MBP: variants seen among roughly 807,000 people sequenced by gnomAD.
MBP encodes Golli-MBP.
Under a neutral mutation model 35.8 loss-of-function variants are expected in MBP, and 16 were observed. The ratio of observed to expected loss-of-function variants is 0.45; its 90% CI spans 0.30 to 0.68. The LOEUF (loss-of-function observed/expected upper bound fraction) is 0.68, where lower values mean the gene tolerates loss of function less well. Among genes scored for constraint, MBP ranks in the 30% least tolerant of loss-of-function variants. The pLI is 0.08. For missense variants in MBP, 380 were observed against 404.7 expected, an observed-to-expected ratio of 0.94 and a Z score of 0.52; for synonymous variants, 143 against 159.6, an observed-to-expected ratio of 0.90 and a Z score of 0.78.
rs2290825 is a variant in MBP, at chr18:77,098,303, C to T, written c.51+6908G>A. On this transcript the variant is annotated intron_variant, in intron 2 of 8. Coordinates refer to ENST00000355994, the MANE Select transcript of MBP (RefSeq NM_001025101.2). ...CACTCACTTTACATAATGTTATCATCGTATCATGTTACCATCTTAAGTAAG... is the reference window on the plus strand; with the variant it reads ...CACTCACTTTACATAATGTTATCATTGTATCATGTTACCATCTTAAGTAAG... Among the ~76,000 whole-genome samples, 886 of 151,154 alleles carry T rather than the reference C, an allele frequency of 5.9e-3. 29 individuals carry two copies. The highest frequency in any genetic ancestry group is 0.047 in the Admixed American group (713 of 15,064).
At chr18:77,062,190 G>A (rs1974010092) in intron 3 of MBP, among the ~76,000 whole-genome samples, 1 of 152,190 alleles carries the variant, frequency 6.6e-6, no homozygotes, top group South Asian at 2.1e-4. Flanking sequence ...GTATAATTTA[G>A]GGAGACCTAA....
At chr18:77,067,906 T>G in intron 2 of MBP, 3 of 478,004 alleles carry the variant, frequency 6.3e-6, no homozygotes, top group Non-Finnish European at 4.2e-6. Flanking sequence ...ACTTATGTAC[T>G]GCAGGCTGTT....
chr18:77,016,979 C>A lies in MBP; in HGVS notation c.429G>T (p.Arg143Ser). 6.2e-7 allele frequency: 1 copy of A among 1,614,040 alleles called. No individual in the cohort carries two copies. ...CTGTGGCCAGGTACTTGGATCCGTG[C>A]CTCTGGGAGGGTCTCTTCTGTGACG... is the stretch of plus-strand genomic sequence containing the variant. ...VMASQKRPSQ[R>S]HGSKYLATAS... The change falls in exon 4 of 9, where the codon AGG becomes AGT. Residue 143 changes from arginine (R) to serine (S), a missense_variant. By Grantham distance (110) the Arg-to-Ser change is moderately radical. Coordinates refer to ENST00000355994, the MANE Select transcript of MBP (RefSeq NM_001025101.2).
intron 1 of MBP, among the ~76,000 whole-genome samples, chr18:77,106,597 G>C (rs1035516175): frequency 3.3e-5 from 5 of 152,140 alleles, no homozygotes; most frequent in Non-Finnish European, 1.5e-5. Context: ...GGCTCGTGCA[G>C]GGAGATTTAA....
At chr18:77,049,160 C>T (rs796856861) in intron 3 of MBP, among the ~76,000 whole-genome samples, 25 of 150,914 alleles carry the variant, frequency 1.7e-4, no homozygotes, top group African/African-American at 6.1e-4. Flanking sequence ...ACCTCGTGAT[C>T]CGCCCACCTC....
chr18:77,001,712 T>G (rs1970645303), intron 4 of MBP, among the ~76,000 whole-genome samples: 1 of 152,056 alleles, frequency 6.6e-6, no homozygotes, highest in South Asian at 2.1e-4. Flanking sequence ...TAGCTGGGCG[T>G]GGTGGCGGAC....
intron 7 of MBP, chr18:76,986,352 G>A (rs1318399525): frequency 5.1e-6 from 5 of 985,388 alleles, no homozygotes; most frequent in Non-Finnish European, 6.0e-6. Context: ...AGGACAGGGA[G>A]GACCTTGACC....
In MBP at chr18:77,044,230, A is replaced by G. The variant is rs1973128762; in HGVS notation, c.139+22068T>C. 6.6e-6 allele frequency among the ~76,000 whole-genome samples: 1 copy of G among 151,864 alleles called. No individual in the cohort carries two copies. Among genetic ancestry groups the G allele is most frequent in the African/African-American group, 2.4e-5 (1 of 41,332 alleles). On this transcript the variant is annotated intron_variant, in intron 3 of 8. Coordinates refer to ENST00000355994, the MANE Select transcript of MBP (RefSeq NM_001025101.2). This position sits in a 1 kb window ranked among gnomAD's most constrained non-coding sequence, Gnocchi z 4.4. ...ACTCCTGACCACAGCAGCCTACTCC[A>G]TGTCCCCCTGTGGATGCTGCAATGC...
intron 3 of MBP, chr18:77,065,639 T>C (rs1974162862): frequency 2.0e-5 from 3 of 152,192 alleles, no homozygotes; most frequent in Admixed American, 6.6e-5. Flanking sequence ...TTTGGTGCAA[T>C]TTCATTTCCT....
intron 1 of MBP, among the ~76,000 whole-genome samples, chr18:77,123,973 C>T (rs1976964277): frequency 6.6e-6 from 1 of 152,170 alleles, no homozygotes; most frequent in African/African-American, 2.4e-5. Context: ...ACGGAGTCTG[C>T]GGGTGGAGCT....
chr18:77,006,026 G>C (rs1465280258), intron 4 of MBP: 1 of 152,296 alleles, frequency 6.6e-6, no homozygotes, highest in Non-Finnish European at 1.5e-5. Context: ...ACCTGCCCCA[G>C]GTCCACGGCT....
At chr18:77,010,098 G>T in intron 4 of MBP, 1 of 605,392 alleles carries the variant, frequency 1.7e-6, no homozygotes, top group Admixed American at 2.7e-5. Context: ...GGCATGTGCA[G>T]ATGATGGATG....
At chr18:77,083,727 A>G (rs1200340970) in intron 2 of MBP, among the ~76,000 whole-genome samples, 1 of 152,268 alleles carries the variant, frequency 6.6e-6, no homozygotes, top group Non-Finnish European at 1.5e-5. Context: ...TGAAAACATC[A>G]TGTTACATGA....
intron 3 of MBP, among the ~76,000 whole-genome samples, chr18:77,052,026 G>A (rs78312896): frequency 0.012 from 1,808 of 152,264 alleles, 44 homozygotes; most frequent in East Asian, 0.096. Flanking sequence ...TGGTGAAGCC[G>A]TGCGGCAGCA....
intron 4 of MBP, chr18:77,015,078 G>T: frequency 1.0e-6 from 1 of 981,942 alleles, no homozygotes; most frequent in Non-Finnish European, 1.2e-6. Context: ...GACAATAAAG[G>T]CTGTAATCTT....
intron 4 of MBP, among the ~76,000 whole-genome samples, chr18:76,998,168 C>T (rs1970419609): frequency 6.6e-6 from 1 of 152,218 alleles, no homozygotes; most frequent in African/African-American, 2.4e-5. Flanking sequence ...CCATGAAACA[C>T]TCACTCTCCA....
chr18:77,084,957 G>T (rs1049632206), intron 2 of MBP, among the ~76,000 whole-genome samples: 2 of 15,692 alleles, frequency 1.3e-4, no homozygotes, highest in Non-Finnish European at 5.8e-4. Flanking sequence ...AAGGGGGAGG[G>T]GGGAGAGAGA....
At chr18:77,077,221 G>A (rs1157562586) in intron 2 of MBP, among the ~76,000 whole-genome samples, 1 of 151,820 alleles carries the variant, frequency 6.6e-6, no homozygotes, top group African/African-American at 2.4e-5. Flanking sequence ...AATTAGCTGG[G>A]CGTGGTGGTG....
intron 2 of MBP, among the ~76,000 whole-genome samples, chr18:77,096,270 T>C (rs1449038112): frequency 6.6e-6 from 1 of 152,252 alleles, no homozygotes; most frequent in African/African-American, 2.4e-5. Flanking sequence ...CCTTTGTGTA[T>C]ATTTGCAAAC....
Sources: allele counts gnomAD v4.1 joint callset (sites outside exome capture counted in the v4.1 genomes callset), GRCh38; gene constraint gnomAD v4.1.1; non-coding constraint Gnocchi (gnomAD v3.1); transcripts MANE v1.5; gene names NCBI Gene and HGNC (gene_info 2026-07-23, HGNC 2026-07-21).